The following JAZF1 variants were observed in gnomAD, a reference collection of about 807,000 sequenced individuals.
The protein encoded by JAZF1 is juxtaposed with another zinc finger protein 1.
In JAZF1, 8 loss-of-function variants were observed where a neutral mutation model predicts 26.4. The observed-to-expected ratio is 0.30, with a 90% CI of 0.18 to 0.55. The LOEUF (loss-of-function observed/expected upper bound fraction) is 0.55. Ranked by LOEUF, JAZF1 falls within the 20% of genes least tolerant of loss-of-function variation. The pLI is 0.94. For missense variants in JAZF1, 199 were observed against 322.0 expected (o/e 0.62, Z 2.92); for synonymous variants, 126 against 122.3 (o/e 1.03, Z -0.20).
At chr7:28,000,721 C>T (rs1055012980) in intron 1 of JAZF1, among the ~76,000 whole-genome samples, 28 of 148,738 alleles carry the variant, frequency 1.9e-4, no homozygotes, top group African/African-American at 6.0e-4. Context: ...CACGTTCAAT[C>T]GATTCTCATG....
chr7:27,890,509 A>T (rs1249895242), intron 3 of JAZF1, among the ~76,000 whole-genome samples: 3 of 152,276 alleles, frequency 2.0e-5, no homozygotes, highest in Admixed American at 2.0e-4. Flanking sequence ...AATAAAGTTT[A>T]AAAAAAGTAT....
chr7:27,838,304 G>A (rs996616081), intron 4 of JAZF1, among the ~76,000 whole-genome samples: 13 of 152,132 alleles, frequency 8.5e-5, no homozygotes, highest in South Asian at 8.3e-4. Flanking sequence ...GGCAGGGAGC[G>A]TCCTAGGCTA....
chr7:28,017,967 G>A (rs1782926088), intron 1 of JAZF1, among the ~76,000 whole-genome samples: 1 of 152,146 alleles, frequency 6.6e-6, no homozygotes, highest in South Asian at 2.1e-4. Context: ...TAGAGACAGG[G>A]TTTCACCATG....
intron 4 of JAZF1, 166 bp from the exon 5 acceptor site, chr7:27,833,142 G>A (rs915479181): frequency 2.9e-5 from 14 of 482,434 alleles, no homozygotes; most frequent in Admixed American, 1.5e-4. Flanking sequence ...CTGGTGTGTC[G>A]GTCATGGGCT....
At chr7:27,873,869 ATGC>A (rs1242189646) in intron 3 of JAZF1, among the ~76,000 whole-genome samples, 4 of 152,174 alleles carry the variant, frequency 2.6e-5, no homozygotes, top group Admixed American at 6.5e-5. Flanking sequence ...CCACTCTGAT[ATGC>A]TGCTGAGAAG....
intron 2 of JAZF1, among the ~76,000 whole-genome samples, chr7:27,910,109 A>G (rs1329826655): frequency 6.6e-6 from 1 of 152,176 alleles, no homozygotes; most frequent in Non-Finnish European, 1.5e-5. Flanking sequence ...ATATCAGCCA[A>G]TGGTTCCCAA....
chr7:28,088,158 C>T (rs909972392), intron 1 of JAZF1, among the ~76,000 whole-genome samples: 1 of 152,194 alleles, frequency 6.6e-6, no homozygotes, highest in Non-Finnish European at 1.5e-5. Flanking sequence ...AGGGTTAACA[C>T]CACGGGGCTA....
intron 1 of JAZF1, among the ~76,000 whole-genome samples, chr7:28,156,479 G>A (rs1270410838): frequency 6.6e-6 from 1 of 152,218 alleles, no homozygotes; most frequent in Non-Finnish European, 1.5e-5. Flanking sequence ...TAGGTAAGTG[G>A]AGAAAATGTT....
intron 1 of JAZF1, among the ~76,000 whole-genome samples, chr7:28,018,787 AG>A (rs1471547683): frequency 1.3e-5 from 2 of 152,226 alleles, no homozygotes; most frequent in Non-Finnish European, 2.9e-5. Flanking sequence ...TTTGAAAGAC[AG>A]GAAGAAGAGA....
intron 2 of JAZF1, among the ~76,000 whole-genome samples, chr7:27,896,671 G>T (rs1784070882): frequency 6.6e-6 from 1 of 152,182 alleles, no homozygotes; most frequent in African/African-American, 2.4e-5. Context: ...TCAACAGATA[G>T]TTCTAATACC....
At chr7:28,091,453 A>G (rs1471216571) in intron 1 of JAZF1, among the ~76,000 whole-genome samples, 5 of 151,190 alleles carry the variant, frequency 3.3e-5, no homozygotes, top group East Asian at 3.9e-4. Context: ...AATAGTTTAG[A>G]TTTTTTTTTA....
intron 1 of JAZF1, chr7:28,020,690 G>T (rs1276796349): frequency 2.1e-6 from 1 of 471,102 alleles, no homozygotes; most frequent in Non-Finnish European, 4.4e-6. Context: ...CGAAGGAACT[G>T]CTGATGAATG....
chr7:28,002,410 C>G (rs111621995), intron 1 of JAZF1, among the ~76,000 whole-genome samples: 172 of 152,292 alleles, frequency 1.1e-3, no homozygotes, highest in Non-Finnish European at 1.9e-3. Flanking sequence ...CTATGACAAT[C>G]GACCTCTTAT....
chr7:28,056,435 T>TACACAC (rs3073772), intron 1 of JAZF1, among the ~76,000 whole-genome samples: 1,336 of 98,162 alleles, frequency 0.014, 21 homozygotes, highest in African/African-American at 0.03. Flanking sequence ...TTTCAACAAC[T>TACACAC]ACACACACAC....
chr7:28,156,842 CA>C (rs1783192579), intron 1 of JAZF1, among the ~76,000 whole-genome samples: 1 of 152,116 alleles, frequency 6.6e-6, no homozygotes, highest in South Asian at 2.1e-4. Flanking sequence ...CACTACCAAG[CA>C]AGGGGGGAAA....
At chr7:28,144,543 G>A (rs960402185) in intron 1 of JAZF1, among the ~76,000 whole-genome samples, 5 of 152,244 alleles carry the variant, frequency 3.3e-5, no homozygotes, top group African/African-American at 1.2e-4. Context: ...TCTGTCACCA[G>A]GAGGCTGGGG....
chr7:28,177,123 T>C (rs1783560993), intron 1 of JAZF1, among the ~76,000 whole-genome samples: 2 of 152,144 alleles, frequency 1.3e-5, no homozygotes, highest in African/African-American at 4.8e-5. Flanking sequence ...GCAATTTAAA[T>C]TTAAGTGGGG....
At chr7:28,002,331 G>A (rs192188905) in intron 1 of JAZF1, among the ~76,000 whole-genome samples, 3 of 152,234 alleles carry the variant, frequency 2.0e-5, no homozygotes, top group South Asian at 2.1e-4. Flanking sequence ...AGACGGGGGG[G>A]AAAAAAGAAT....
At chr7:28,089,846 G>A (rs1034069658) in intron 1 of JAZF1, among the ~76,000 whole-genome samples, 1 of 152,150 alleles carries the variant, frequency 6.6e-6, no homozygotes, top group Non-Finnish European at 1.5e-5. Context: ...TGATAAAATT[G>A]GCTATTTAGC....
Sources: allele counts gnomAD v4.1 joint callset (sites outside exome capture counted in the v4.1 genomes callset), GRCh38; gene constraint gnomAD v4.1.1; transcripts MANE v1.5; gene names NCBI Gene and HGNC (gene_info 2026-07-23, HGNC 2026-07-21).